PCDH7: variants seen among roughly 807,000 people sequenced by gnomAD.
The protein encoded by PCDH7 is protocadherin-7.
A neutral mutation model predicts 58.9 loss-of-function variants in PCDH7; 17 were observed. That is an observed-to-expected ratio of 0.29 (90% CI 0.20 to 0.43). The LOEUF is 0.43. PCDH7 is among the 20% of genes least tolerant of loss of function. The pLI, the probability that PCDH7 is intolerant of heterozygous loss-of-function variation, is 1.00. For missense variants in PCDH7, 1,274 were observed against 1,441.0 expected (o/e 0.88, Z 1.88); for synonymous variants, 664 against 616.4 (o/e 1.08, Z -1.14).
chr4:31,138,461 G>T (rs1001844422), intron 3 of PCDH7, among the ~76,000 whole-genome samples: 15 of 152,090 alleles, frequency 9.9e-5, no homozygotes, highest in Non-Finnish European at 2.2e-4. Flanking sequence ...AGCAGTCATT[G>T]ACCTCTAAAT....
At chr4:30,937,729 T>C (rs7673048) in intron 2 of PCDH7, among the ~76,000 whole-genome samples, 105,478 of 151,800 alleles carry the variant, frequency 0.69, 36,684 homozygotes, top group East Asian at 0.78. Flanking sequence ...CAAAAGTGGA[T>C]CAATGACTCA....
chr4:30,900,027 A>T (rs1381616063), intron 1 of PCDH7, among the ~76,000 whole-genome samples: 10 of 152,198 alleles, frequency 6.6e-5, no homozygotes, highest in Admixed American at 6.5e-4. Context: ...TTGTTTTCCT[A>T]AAACCATATC....
At chr4:31,007,292 G>T (rs1752846726) in intron 3 of PCDH7, among the ~76,000 whole-genome samples, 1 of 152,156 alleles carries the variant, frequency 6.6e-6, no homozygotes, top group Non-Finnish European at 1.5e-5. Context: ...AAAGTATAAT[G>T]CCTGATTCTT....
intron 3 of PCDH7, among the ~76,000 whole-genome samples, chr4:30,991,410 G>C (rs1578504803): frequency 6.6e-6 from 1 of 152,174 alleles, no homozygotes; most frequent in Non-Finnish European, 1.5e-5. Context: ...ACAGAGGCTA[G>C]ACAAGAAGAA....
At chr4:30,907,143 T>G (rs1008148744) in intron 1 of PCDH7, among the ~76,000 whole-genome samples, 1 of 152,156 alleles carries the variant, frequency 6.6e-6, no homozygotes, top group Non-Finnish European at 1.5e-5. Flanking sequence ...ATGACCTGTC[T>G]ATGGACTTCT....
At chr4:31,134,332 T>C (rs1719336297) in intron 3 of PCDH7, among the ~76,000 whole-genome samples, 1 of 151,924 alleles carries the variant, frequency 6.6e-6, no homozygotes, top group Non-Finnish European at 1.5e-5. Context: ...TGGGGGTACA[T>C]CCCTGTAATC....
chr4:31,044,133 G>T (rs1020452495), intron 3 of PCDH7, among the ~76,000 whole-genome samples: 1 of 152,060 alleles, frequency 6.6e-6, no homozygotes, highest in African/African-American at 2.4e-5. Context: ...TAATAGTGGT[G>T]CCTACCATTA....
intron 2 of PCDH7, among the ~76,000 whole-genome samples, chr4:30,937,552 C>T (rs1745508414): frequency 6.6e-6 from 1 of 151,900 alleles, no homozygotes; most frequent in Admixed American, 6.6e-5. Flanking sequence ...TAGAAGCTTC[C>T]TTGGATACAG....
chr4:31,118,183 A>T (rs1717229217), intron 3 of PCDH7, among the ~76,000 whole-genome samples: 1 of 152,208 alleles, frequency 6.6e-6, no homozygotes, highest in South Asian at 2.1e-4. Flanking sequence ...TCAGTGACTT[A>T]TAAAAACCCA....
At chr4:30,947,543 C>G (rs1188557964) in intron 2 of PCDH7, among the ~76,000 whole-genome samples, 4 of 152,276 alleles carry the variant, frequency 2.6e-5, no homozygotes, top group African/African-American at 9.6e-5. Flanking sequence ...TTGCAGTTCT[C>G]TACTCTATCA....
intron 3 of PCDH7, among the ~76,000 whole-genome samples, chr4:30,992,604 T>C (rs1313795595): frequency 6.6e-6 from 1 of 152,096 alleles, no homozygotes; most frequent in African/African-American, 2.4e-5. Flanking sequence ...GCTTAGGGAA[T>C]AGACCTCGTA....
At chr4:31,083,585 G>A (rs769100738) in intron 3 of PCDH7, among the ~76,000 whole-genome samples, 1 of 152,152 alleles carries the variant, frequency 6.6e-6, no homozygotes. Flanking sequence ...AAATTTTAAA[G>A]GATTACGTTC....
intron 3 of PCDH7, among the ~76,000 whole-genome samples, chr4:31,011,728 C>A (rs1193734368): frequency 6.6e-6 from 1 of 151,876 alleles, no homozygotes; most frequent in Admixed American, 6.6e-5. Context: ...CTAATCACTA[C>A]CATAGTTCAA....
chr4:30,918,865 G>T (rs1468236519), intron 1 of PCDH7, among the ~76,000 whole-genome samples: 1 of 152,154 alleles, frequency 6.6e-6, no homozygotes, highest in African/African-American at 2.4e-5. Flanking sequence ...GCATGTGTTT[G>T]TCTTTAGCAA....
At chr4:31,122,020 T>C (rs970879360) in intron 3 of PCDH7, among the ~76,000 whole-genome samples, 3 of 151,976 alleles carry the variant, frequency 2.0e-5, no homozygotes, top group Non-Finnish European at 2.9e-5. Context: ...ATTTTTTTTT[T>C]CCCCAAAAGA....
At chr4:30,902,740 A>G (rs1578228887) in intron 1 of PCDH7, among the ~76,000 whole-genome samples, 1 of 152,250 alleles carries the variant, frequency 6.6e-6, no homozygotes, top group Admixed American at 6.5e-5. Flanking sequence ...TAAGGAATAA[A>G]ACCCTTTTAT....
chr4:31,071,170 T>C (rs929520414), intron 3 of PCDH7, among the ~76,000 whole-genome samples: 3 of 152,080 alleles, frequency 2.0e-5, no homozygotes, highest in East Asian at 3.9e-4. Flanking sequence ...TAGTCTTTAA[T>C]AGATTCTTTT....
chr4:30,790,557 G>A (rs984812249), intron 1 of PCDH7, among the ~76,000 whole-genome samples: 20 of 152,182 alleles, frequency 1.3e-4, no homozygotes, highest in African/African-American at 4.8e-4. Context: ...GATGGGAAAG[G>A]TACTCATTAG....
intron 1 of PCDH7, among the ~76,000 whole-genome samples, chr4:30,805,120 G>A (rs996194843): frequency 6.6e-6 from 1 of 152,088 alleles, no homozygotes; most frequent in African/African-American, 2.4e-5. Context: ...CTCCTTAATT[G>A]CTGACTACAT....
Sources: gnomAD v4.1 joint callset for allele counts (sites outside exome capture counted in the v4.1 genomes callset) on GRCh38, gnomAD v4.1.1 for gene constraint, MANE v1.5 for transcripts, NCBI Gene and HGNC (gene_info 2026-07-23, HGNC 2026-07-21) for gene names.